The following LINGO2 variants were observed in gnomAD, a reference collection of about 807,000 sequenced individuals.
LINGO2 encodes the protein leucine-rich repeat and immunoglobulin-like domain-containing nogo receptor-interacting protein 2.
A neutral mutation model predicts 30.6 loss-of-function variants in LINGO2; 14 were observed. The observed-to-expected ratio is 0.46, with a 90% CI of 0.30 to 0.72. The LOEUF (loss-of-function observed/expected upper bound fraction) is 0.72, where lower values mean the gene tolerates loss of function less well. Ranked by LOEUF, LINGO2 falls within the 30% of genes least tolerant of loss-of-function variation. The pLI, the probability that LINGO2 is intolerant of heterozygous loss-of-function variation, is 0.07. For synonymous variants in LINGO2, 317 were observed against 288.5 expected (o/e 1.10, Z -1.00); for missense variants, 729 against 751.7 (o/e 0.97, Z 0.35).
chr9:28,366,861 A>T (rs868349110), intron 3 of LINGO2, among the ~76,000 whole-genome samples: 10 of 152,156 alleles, frequency 6.6e-5, no homozygotes, highest in Non-Finnish European at 1.2e-4. Context: ...AGGAAAACAT[A>T]GTAATAATAA....
At chr9:28,847,311 T>G in the LINGO2 span, among the ~76,000 whole-genome samples, 10 of 148,276 alleles carry the variant, frequency 6.7e-5, 2 homozygotes, top group African/African-American at 2.5e-4. Context: ...AACCTGAAGT[T>G]CATGCATCCC....
chr9:28,063,690 C>G (rs1825224689), intron 4 of LINGO2, among the ~76,000 whole-genome samples: 1 of 152,040 alleles, frequency 6.6e-6, no homozygotes, highest in Non-Finnish European at 1.5e-5. Flanking sequence ...TTTCCACTCT[C>G]AAACAATCAG....
intron 4 of LINGO2, among the ~76,000 whole-genome samples, chr9:28,262,907 T>C (rs377705373): frequency 1.3e-5 from 2 of 151,994 alleles, no homozygotes; most frequent in African/African-American, 4.8e-5. Context: ...CTAACTGTAT[T>C]GACTGTGTAA....
chr9:27,938,202 A>G, the LINGO2 span: 1 of 152,194 alleles, frequency 6.6e-6, no homozygotes, highest in Non-Finnish European at 1.5e-5. Flanking sequence ...CGAATTTTGT[A>G]AAAGTCAATG....
the LINGO2 span, among the ~76,000 whole-genome samples, chr9:29,026,494 A>C: frequency 6.6e-6 from 1 of 152,124 alleles, no homozygotes; most frequent in Non-Finnish European, 1.5e-5. Flanking sequence ...TCATGTCTTT[A>C]ATTTTTTACT....
At chr9:27,970,053 A>T (rs906779083) in intron 5 of LINGO2, among the ~76,000 whole-genome samples, 1 of 152,220 alleles carries the variant, frequency 6.6e-6, no homozygotes, top group African/African-American at 2.4e-5. Context: ...TTAATATTGC[A>T]TGTTCTCAGC....
intron 5 of LINGO2, among the ~76,000 whole-genome samples, chr9:27,999,879 A>G (rs1156798238): frequency 6.6e-6 from 1 of 152,152 alleles, no homozygotes; most frequent in Non-Finnish European, 1.5e-5. Flanking sequence ...CAAAAACCAC[A>G]ATCACTTTTG....
the LINGO2 span, among the ~76,000 whole-genome samples, chr9:28,868,486 C>T: frequency 5.9e-5 from 9 of 152,118 alleles, no homozygotes; most frequent in Non-Finnish European, 8.8e-5. Flanking sequence ...TGATGCCTTT[C>T]GAAAGTGGCA....
At chr9:28,884,091 G>T in the LINGO2 span, among the ~76,000 whole-genome samples, 1 of 136,382 alleles carries the variant, frequency 7.3e-6, no homozygotes, top group African/African-American at 2.7e-5. Flanking sequence ...TTAATCCCTG[G>T]AGAATAGCGC....
chr9:28,651,661 A>T (rs550118645), intron 1 of LINGO2, among the ~76,000 whole-genome samples: 6 of 151,122 alleles, frequency 4.0e-5, no homozygotes, highest in Non-Finnish European at 8.9e-5. Flanking sequence ...ATGTTTTAGT[A>T]AAACTTGTTA....
the LINGO2 span, among the ~76,000 whole-genome samples, chr9:28,845,051 A>C: frequency 6.6e-6 from 1 of 151,892 alleles, no homozygotes; most frequent in South Asian, 2.1e-4. Context: ...GAGAGTTTAC[A>C]TCAGAAAGTT....
intron 4 of LINGO2, among the ~76,000 whole-genome samples, chr9:28,082,312 G>T (rs1228745028): frequency 6.6e-6 from 1 of 152,090 alleles, no homozygotes; most frequent in Non-Finnish European, 1.5e-5. Flanking sequence ...TATGGGCGCA[G>T]GTATGATAAC....
the LINGO2 span, among the ~76,000 whole-genome samples, chr9:28,752,283 C>G: frequency 6.6e-6 from 1 of 151,850 alleles, no homozygotes; most frequent in Non-Finnish European, 1.5e-5. Context: ...GTGATTTTGC[C>G]AAAGCCAGCT....
intron 5 of LINGO2, among the ~76,000 whole-genome samples, chr9:28,003,545 G>A (rs1392910087): frequency 7.2e-5 from 11 of 152,026 alleles, no homozygotes; most frequent in Non-Finnish European, 1.0e-4. Context: ...TGCAAGCTCC[G>A]CCTCCCGAGT....
intron 4 of LINGO2, among the ~76,000 whole-genome samples, chr9:28,063,896 A>T (rs1825230920): frequency 6.6e-6 from 1 of 152,082 alleles, no homozygotes; most frequent in East Asian, 1.9e-4. Context: ...GCTTTCCCTG[A>T]TTCCACATGC....
chr9:28,237,547 G>C (rs1276294828), intron 4 of LINGO2, among the ~76,000 whole-genome samples: 1 of 152,050 alleles, frequency 6.6e-6, no homozygotes, highest in African/African-American at 2.4e-5. Flanking sequence ...GTGATCTGTT[G>C]CCTATAAGAA....
At chr9:29,009,789 G>T in the LINGO2 span, among the ~76,000 whole-genome samples, 1 of 152,106 alleles carries the variant, frequency 6.6e-6, no homozygotes, top group Non-Finnish European at 1.5e-5. Context: ...ATACTACAAG[G>T]CTACAGTAAT....
the LINGO2 span, among the ~76,000 whole-genome samples, chr9:29,047,051 A>AAAAAC: frequency 2.8e-5 from 3 of 106,908 alleles, 1 homozygote; most frequent in East Asian, 6.8e-4. Flanking sequence ...AAAAAAAAAA[A>AAAAAC]CCAAAAACAA....
chr9:28,933,303 C>T, the LINGO2 span, among the ~76,000 whole-genome samples: 2 of 152,240 alleles, frequency 1.3e-5, no homozygotes, highest in East Asian at 1.9e-4. Context: ...CATTGGGTTC[C>T]CCAAAATCCT....
Sources: gnomAD v4.1 joint callset for allele counts (sites outside exome capture counted in the v4.1 genomes callset) on GRCh38, gnomAD v4.1.1 for gene constraint, MANE v1.5 for transcripts, NCBI Gene and HGNC (gene_info 2026-07-23, HGNC 2026-07-21) for gene names.